The following OCA2 variants were observed in gnomAD, a reference collection of about 807,000 sequenced individuals.
OCA2 encodes the protein P protein.
OCA2 carries 77 observed loss-of-function variants against 100.2 expected under a neutral mutation model. That is an observed-to-expected ratio of 0.77 (90% CI 0.64 to 0.93). OCA2 has a LOEUF of 0.93. Among genes scored for constraint, OCA2 ranks in the 40% least tolerant of loss-of-function variants. OCA2 has a pLI of 0.00. For missense variants in OCA2, 1,062 were observed against 1,089.1 expected (o/e 0.98, Z 0.35); for synonymous variants, 432 against 439.2 (o/e 0.98, Z 0.21).
At chr15:28,013,206 T>C (rs1225849978) in intron 9 of OCA2, among the ~76,000 whole-genome samples, 1 of 152,142 alleles carries the variant, frequency 6.6e-6, no homozygotes, top group African/African-American at 2.4e-5. Flanking sequence ...ATCTCAATTG[T>C]AGTCTGTAGG....
chr15:27,932,194 C>T (rs1388208257), intron 18 of OCA2, among the ~76,000 whole-genome samples: 1 of 152,202 alleles, frequency 6.6e-6, no homozygotes, highest in Non-Finnish European at 1.5e-5. Flanking sequence ...CTCCCTGGTT[C>T]AGGTAGAGAA....
At chr15:28,011,936 C>T (rs934945591) in intron 9 of OCA2, among the ~76,000 whole-genome samples, 16 of 150,188 alleles carry the variant, frequency 1.1e-4, no homozygotes, top group African/African-American at 2.9e-4. Flanking sequence ...AAAAAAAGGC[C>T]GGCACTGTGG....
chr15:27,827,111 C>T (rs186409811), intron 23 of OCA2, among the ~76,000 whole-genome samples: 31 of 152,328 alleles, frequency 2.0e-4, no homozygotes, highest in Admixed American at 1.4e-3. Flanking sequence ...TGAGATCCCA[C>T]GATGTTTTCA....
the OCA2 span, among the ~76,000 whole-genome samples, chr15:27,721,065 A>T: frequency 3.9e-5 from 6 of 152,284 alleles, no homozygotes; most frequent in East Asian, 7.7e-4. Flanking sequence ...GGCTACCTTT[A>T]TGGTTACTGA....
chr15:27,902,965 C>T (rs2038015974), intron 19 of OCA2, among the ~76,000 whole-genome samples: 1 of 152,206 alleles, frequency 6.6e-6, no homozygotes, highest in Non-Finnish European at 1.5e-5. Flanking sequence ...TCCTCCACCC[C>T]GACCTCGATC....
At chr15:28,004,297 C>T (rs1419720329) in intron 9 of OCA2, among the ~76,000 whole-genome samples, 2 of 152,212 alleles carry the variant, frequency 1.3e-5, no homozygotes. Context: ...CAGCTGTCCC[C>T]GTGGTGTGCT....
intron 21 of OCA2, among the ~76,000 whole-genome samples, chr15:27,866,723 A>G (rs1395228833): frequency 1.3e-5 from 2 of 152,228 alleles, no homozygotes; most frequent in Non-Finnish European, 2.9e-5. Flanking sequence ...CAGGAAGCAC[A>G]GAAGCATCGA....
At chr15:27,904,409 C>T (rs2038089561) in intron 19 of OCA2, among the ~76,000 whole-genome samples, 1 of 152,144 alleles carries the variant, frequency 6.6e-6, no homozygotes, top group South Asian at 2.1e-4. Context: ...AAGAACTGCA[C>T]ACTACAGTGC....
chr15:27,942,253 AAT>A (rs1213064212), intron 18 of OCA2, among the ~76,000 whole-genome samples: 1 of 148,252 alleles, frequency 6.7e-6, no homozygotes, highest in African/African-American at 2.5e-5. Flanking sequence ...CGATATACAT[AAT>A]ATATATGATA....
intron 2 of OCA2, among the ~76,000 whole-genome samples, chr15:28,044,064 C>T (rs986369781): frequency 1.3e-5 from 2 of 152,182 alleles, no homozygotes; most frequent in Admixed American, 1.3e-4. Context: ...GAGCTCATTC[C>T]ATTTTGCCAG....
intron 4 of OCA2, 128 bp from the exon 5 acceptor site, chr15:28,025,030 A>G: frequency 1.2e-6 from 1 of 859,942 alleles, no homozygotes; most frequent in Non-Finnish European, 1.9e-6. Flanking sequence ...CCATAACATG[A>G]TATGAGGGAG....
chr15:27,967,093 G>A (rs2040595445), intron 14 of OCA2, among the ~76,000 whole-genome samples: 1 of 152,216 alleles, frequency 6.6e-6, no homozygotes, highest in African/African-American at 2.4e-5. Context: ...TCATGCCACT[G>A]CACTCCAGCC....
chr15:27,899,722 A>T (rs1244213251), intron 19 of OCA2, among the ~76,000 whole-genome samples: 2 of 152,198 alleles, frequency 1.3e-5, no homozygotes, highest in Non-Finnish European at 2.9e-5. Flanking sequence ...GGCCTGCTAA[A>T]GCTTCAGAGG....
chr15:27,956,068 G>C (rs1418829108), intron 16 of OCA2, among the ~76,000 whole-genome samples: 1 of 152,178 alleles, frequency 6.6e-6, no homozygotes, highest in Non-Finnish European at 1.5e-5. Flanking sequence ...AAGACTTGCA[G>C]GACGGGCGTG....
intron 2 of OCA2, 106 bp downstream of exon 2, chr15:28,081,542 A>G: frequency 8.4e-7 from 1 of 1,185,516 alleles, no homozygotes; most frequent in African/African-American, 1.5e-5. Context: ...AAATTCTTGC[A>G]AAATTTCTGG....
Position 28,028,913 on chromosome 15 carries a change from T to A in OCA2, c.327-854A>T, listed in dbSNP as rs966416245. Reference sequence around the variant, plus strand: ...GTTGGCCAGGCTAGTCTCGAACTCCTGACTTCAAGTGATCTGACTACCTTG... The same window carrying A: ...GTTGGCCAGGCTAGTCTCGAACTCCAGACTTCAAGTGATCTGACTACCTTG... On this transcript the variant is annotated intron_variant, in intron 3 of 23. Transcript: ENST00000354638. 7.7e-4 allele frequency among the ~76,000 whole-genome samples: 117 copies of A among 152,186 alleles called. 1 individual carries two copies. Among genetic ancestry groups the A allele is most frequent in the Non-Finnish European group, 4.0e-4 (27 of 68,026 alleles).
chr15:27,792,187 G>A lies in OCA2; in HGVS notation c.2433-36715C>T, dbSNP rs116452651. 6.1e-3 allele frequency among the ~76,000 whole-genome samples: 933 copies of A among 152,320 alleles called. 17 individuals are homozygous for A. The highest frequency in any genetic ancestry group is 0.021 in the African/African-American group (869 of 41,554). Reference sequence around the variant, plus strand: ...CCTTATATGGGCTTAAAGTAGAGGAGGGACCATCTTCTCCTTTCCTTTCTT... The same window carrying A: ...CCTTATATGGGCTTAAAGTAGAGGAAGGACCATCTTCTCCTTTCCTTTCTT... On this transcript the variant is annotated intron_variant, in intron 23 of 23. Transcript: ENST00000354638.
chr15:28,091,824 T>C (rs2044874853), intron 1 of OCA2, among the ~76,000 whole-genome samples: 1 of 152,166 alleles, frequency 6.6e-6, no homozygotes, highest in South Asian at 2.1e-4. Flanking sequence ...GGCATGGTGA[T>C]GGGCACCTGT....
At chr15:27,983,725 G>A (rs577202682) in intron 13 of OCA2, among the ~76,000 whole-genome samples, 1 of 152,080 alleles carries the variant, frequency 6.6e-6, no homozygotes, top group East Asian at 1.9e-4. Context: ...CCTCGGTGTG[G>A]TCAGGTACCC....
Sources: allele counts gnomAD v4.1 joint callset (sites outside exome capture counted in the v4.1 genomes callset), GRCh38; gene constraint gnomAD v4.1.1; transcripts MANE v1.5; gene names NCBI Gene and HGNC (gene_info 2026-07-23, HGNC 2026-07-21).